The following N4BP2 variants were observed in gnomAD, a reference collection of about 807,000 sequenced individuals.
N4BP2 encodes NEDD4-binding protein 2.
N4BP2 carries 91 observed loss-of-function variants against 152.8 expected under a neutral mutation model. The observed-to-expected ratio is 0.60, with a 90% CI of 0.50 to 0.71. The LOEUF (loss-of-function observed/expected upper bound fraction) is 0.71. N4BP2 is among the 30% of genes least tolerant of loss of function. The pLI, the probability that N4BP2 is intolerant of heterozygous loss-of-function variation, is 0.00. For missense variants in N4BP2, 1,923 were observed against 2,059.1 expected (o/e 0.93, Z 1.28); for synonymous variants, 646 against 705.3 (o/e 0.92, Z 1.33).
rs745356918 is a variant in N4BP2, at chr4:40,121,605, A to C, written c.3494A>C (p.Gln1165Pro). 1.9e-6 allele frequency: 3 copies of C among 1,614,184 alleles called. No homozygotes were observed. The Admixed American group carries it at 5.0e-5, about 27-fold the overall frequency. Residue 1165 changes from glutamine to proline, a missense_variant, in exon 9 of 18, where the codon CAA becomes CCA. Transcript: ENST00000261435. ...TTGAATTTGAAAGAAATTATTAGCC[A>C]AAGAGGAACTTTAGAGAATTCTAAT... is the stretch of plus-strand genomic sequence containing the variant. ...LGLNLKEIIS[Q>P]RGTLENSNSP...
intron 13 of N4BP2, among the ~76,000 whole-genome samples, chr4:40,133,538 G>A (rs1341078429): frequency 1.3e-5 from 2 of 152,086 alleles, no homozygotes; most frequent in Non-Finnish European, 2.9e-5. Flanking sequence ...GTTTCACTAT[G>A]TTGGCCAGGC....
At chr4:40,151,946 G>A (rs1017665325) in intron 16 of N4BP2, among the ~76,000 whole-genome samples, 7 of 140,116 alleles carry the variant, frequency 5.0e-5, no homozygotes, top group African/African-American at 7.6e-5. Context: ...TATATTTTGT[G>A]TGTTTTAAAT....
At chr4:40,107,584 G>A (rs920635402) in intron 5 of N4BP2, among the ~76,000 whole-genome samples, 3 of 151,554 alleles carry the variant, frequency 2.0e-5, no homozygotes, top group South Asian at 2.1e-4. Flanking sequence ...GGGTTTCCCC[G>A]TGTTGGCCAG....
In N4BP2 at chr4:40,120,267, C is replaced by G. The variant is rs756231868; in HGVS notation, c.2156C>G (p.Ser719Cys). The G allele has an allele frequency of 2.1e-5, 34 of 1,613,682 alleles. No homozygotes were observed. Residue 719 changes from serine to cysteine, a missense_variant, in exon 9 of 18, where the codon TCT becomes TGT. Transcript: ENST00000261435. ...KGYSKTDTDS[S>C]MERVSPSTCC... ...TATAGTAAAACTGACACAGATAGTT[C>G]TATGGAGAGAGTATCACCTAGTACT...
chr4:40,118,348 A>AGAGGTTGCGGTGAGCT (rs540252124), intron 8 of N4BP2, among the ~76,000 whole-genome samples: 9 of 152,150 alleles, frequency 5.9e-5, no homozygotes, highest in Non-Finnish European at 1.0e-4. Context: ...CCCTGGAGGC[A>AGAGGTTGCGGTGAGCT]GAGGTTGCGG....
intron 2 of N4BP2, among the ~76,000 whole-genome samples, chr4:40,093,998 G>A (rs1163153210): frequency 2.0e-5 from 3 of 152,062 alleles, no homozygotes; most frequent in African/African-American, 7.2e-5. Flanking sequence ...AGCCTCCCAG[G>A]GTGCTGGGAT....
At chr4:40,127,521 A>G (rs1579092432) in intron 12 of N4BP2, among the ~76,000 whole-genome samples, 1 of 152,092 alleles carries the variant, frequency 6.6e-6, no homozygotes, top group Admixed American at 6.6e-5. Context: ...AGCCAGCTGC[A>G]TCTTTTTCAG....
At chr4:40,168,159 GAA>G in the N4BP2 span, among the ~76,000 whole-genome samples, 3 of 151,650 alleles carry the variant, frequency 2.0e-5, no homozygotes, top group African/African-American at 7.3e-5. Flanking sequence ...TAAAGAAAAG[GAA>G]AAAAGAAAAT....
At chr4:40,069,939 AC>A (rs1042693845) in intron 1 of N4BP2, among the ~76,000 whole-genome samples, 67 of 151,596 alleles carry the variant, frequency 4.4e-4, no homozygotes, top group African/African-American at 1.4e-3. Context: ...AACAAACACA[AC>A]CCCCAAAAAC....
intron 3 of N4BP2, among the ~76,000 whole-genome samples, 176 bp downstream of exon 3, chr4:40,097,745 G>A (rs1274517272): frequency 2.6e-5 from 4 of 152,168 alleles, no homozygotes; most frequent in Non-Finnish European, 5.9e-5. Flanking sequence ...GGGATATGAA[G>A]AATAAAACAT....
intron 13 of N4BP2, among the ~76,000 whole-genome samples, chr4:40,136,546 C>T (rs1262377900): frequency 6.6e-6 from 1 of 152,134 alleles, no homozygotes; most frequent in Non-Finnish European, 1.5e-5. Flanking sequence ...GTCACCACAC[C>T]CAGCTAATTT....
At chr4:40,113,308 C>T in intron 6 of N4BP2, 124 bp from the exon 7 acceptor site, 1 of 649,084 alleles carries the variant, frequency 1.5e-6, no homozygotes. Flanking sequence ...GTATATTTTG[C>T]CATTTTAACA....
At chr4:40,063,694 A>T (rs1326216435) in intron 1 of N4BP2, among the ~76,000 whole-genome samples, 1 of 151,892 alleles carries the variant, frequency 6.6e-6, no homozygotes, top group East Asian at 1.9e-4. Context: ...CCCAGGCTGG[A>T]GTGCAATGGT....
intron 17 of N4BP2, among the ~76,000 whole-genome samples, chr4:40,153,144 G>T (rs1721290716): frequency 6.6e-6 from 1 of 152,182 alleles, no homozygotes; most frequent in Non-Finnish European, 1.5e-5. Context: ...GATTTATGTT[G>T]TCTGGTAAAC....
chr4:40,138,675 A>T (rs909064734), intron 14 of N4BP2, among the ~76,000 whole-genome samples: 3 of 152,186 alleles, frequency 2.0e-5, no homozygotes, highest in Admixed American at 6.5e-5. Context: ...TTCCCCATTG[A>T]ATTTTCTTGG....
At chr4:40,091,997 AAAAAAAAAAAT>A in intron 2 of N4BP2, among the ~76,000 whole-genome samples, 1 of 100,902 alleles carries the variant, frequency 9.9e-6, no homozygotes, top group African/African-American at 3.8e-5. Flanking sequence ...AAAAAAAAAA[AAAAAAAAAAAT>A]TATATATATA....
the N4BP2 span, among the ~76,000 whole-genome samples, chr4:40,176,765 CA>C: frequency 6.6e-6 from 1 of 152,336 alleles, no homozygotes; most frequent in East Asian, 1.9e-4. Context: ...AAACTCCACC[CA>C]ACCTGCCCAC....
intron 5 of N4BP2, among the ~76,000 whole-genome samples, chr4:40,110,540 C>T (rs1001059440): frequency 1.3e-5 from 2 of 152,044 alleles, no homozygotes; most frequent in African/African-American, 4.8e-5. Context: ...ATTTGTATAT[C>T]TTCTCTGGAG....
intron 14 of N4BP2, among the ~76,000 whole-genome samples, chr4:40,139,459 G>GT (rs1389831806): frequency 2.1e-5 from 3 of 143,872 alleles, no homozygotes; most frequent in Non-Finnish European, 3.1e-5. Flanking sequence ...ATGCAGTTGG[G>GT]TTTTTTGTAT....
Sources: gnomAD v4.1 joint callset for allele counts (sites outside exome capture counted in the v4.1 genomes callset) on GRCh38, gnomAD v4.1.1 for gene constraint, MANE v1.5 for transcripts, NCBI Gene and HGNC (gene_info 2026-07-23, HGNC 2026-07-21) for gene names.